ATP2B2: variants seen among roughly 807,000 people sequenced by gnomAD.
ATP2B2 encodes the protein ATPase plasma membrane Ca2+ transporting 2.
In ATP2B2, 15 loss-of-function variants were observed where a neutral mutation model predicts 120.0. The ratio of observed to expected loss-of-function variants is 0.12; its 90% CI spans 0.08 to 0.19. The LOEUF (loss-of-function observed/expected upper bound fraction) is 0.19, where lower values mean the gene tolerates loss of function less well. Ranked by LOEUF, ATP2B2 falls within the 10% of genes least tolerant of loss-of-function variation. ATP2B2 has a pLI of 1.00. For missense variants in ATP2B2, 1,045 were observed against 1,719.8 expected (o/e 0.61, Z 6.94); for synonymous variants, 694 against 700.3 (o/e 0.99, Z 0.14).
At position 10,333,069 on chromosome 3, in the gene ATP2B2, T is replaced by G. The variant is rs117304746; in HGVS notation, c.3421-3944A>C. ...GCGTCTGTCTGCTGAGGCCTTCATCTTGCGGTGGTGCCGTGGGGAGGGGAG... is the reference window on the plus strand; with the variant it reads ...GCGTCTGTCTGCTGAGGCCTTCATCGTGCGGTGGTGCCGTGGGGAGGGGAG... On this transcript the variant is annotated intron_variant, in intron 22 of 22. Transcript: ENST00000360273. 3.3e-3 allele frequency among the ~76,000 whole-genome samples: 506 copies of G among 152,286 alleles called. 15 individuals carry two copies. In the East Asian group the frequency reaches 0.048, roughly 14 times the overall value.
At chr3:10,392,868 T>C (rs975021705) in intron 5 of ATP2B2, among the ~76,000 whole-genome samples, 1 of 152,230 alleles carries the variant, frequency 6.6e-6, no homozygotes, top group Non-Finnish European at 1.5e-5. Flanking sequence ...CAATAGTGTC[T>C]TGACACTGTC....
chr3:10,580,842 A>C (rs2068372465), intron 2 of ATP2B2, among the ~76,000 whole-genome samples: 1 of 152,206 alleles, frequency 6.6e-6, no homozygotes, highest in African/African-American at 2.4e-5. Context: ...TTTTATTTGA[A>C]TACAGTCATA....
intron 14 of ATP2B2, among the ~76,000 whole-genome samples, chr3:10,355,699 C>A (rs2060694924): frequency 6.6e-6 from 1 of 152,196 alleles, no homozygotes; most frequent in Admixed American, 6.5e-5. Context: ...ATGCCAGGAA[C>A]CCAGCTCTGC....
At chr3:10,355,329 CTG>C (rs1283586687) in intron 14 of ATP2B2, among the ~76,000 whole-genome samples, 5 of 152,268 alleles carry the variant, frequency 3.3e-5, no homozygotes, top group Admixed American at 6.5e-5. Context: ...CTTGAGTCTG[CTG>C]TGTCACTTGA....
intron 12 of ATP2B2, among the ~76,000 whole-genome samples, chr3:10,367,339 C>T (rs910973309): frequency 6.6e-6 from 1 of 151,912 alleles, no homozygotes; most frequent in African/African-American, 2.4e-5. Context: ...TGGTGGTGAG[C>T]AGCGACCCTG....
At chr3:10,379,017 C>T (rs1490732405) in intron 9 of ATP2B2, among the ~76,000 whole-genome samples, 1 of 152,176 alleles carries the variant, frequency 6.6e-6, no homozygotes, top group Non-Finnish European at 1.5e-5. Context: ...AGTTCAAAGG[C>T]TAGGGAGATG....
chr3:10,440,646 C>T (rs921825498), intron 2 of ATP2B2, among the ~76,000 whole-genome samples: 10 of 152,240 alleles, frequency 6.6e-5, no homozygotes, highest in Admixed American at 3.3e-4. Flanking sequence ...TCCTTTCAGG[C>T]CTCACTCAGA....
At chr3:10,524,416 C>T (rs551511327) in intron 3 of ATP2B2, among the ~76,000 whole-genome samples, 4 of 152,220 alleles carry the variant, frequency 2.6e-5, no homozygotes, top group African/African-American at 9.6e-5. Context: ...ATGAGCATGC[C>T]GAGGCACAGA....
At chr3:10,599,972 T>A (rs116391196) in intron 2 of ATP2B2, among the ~76,000 whole-genome samples, 1,929 of 152,248 alleles carry the variant, frequency 0.013, 43 homozygotes, top group African/African-American at 0.042. Flanking sequence ...GTGGGAGAGG[T>A]AGCTTGTGCT....
intron 2 of ATP2B2, among the ~76,000 whole-genome samples, chr3:10,421,407 G>T (rs183036899): frequency 1.3e-5 from 2 of 152,288 alleles, no homozygotes; most frequent in East Asian, 3.9e-4. Context: ...CTCTCTTCCT[G>T]CAGCAGAGGA....
Position 10,400,939 on chromosome 3 carries a change from A to G in ATP2B2, c.781+14T>C. Reference sequence around the variant, plus strand: ...TGGCGACGGGAATGGGCCCAACATCAGGCTGAAGCTCACCTGACAGCAGCA... The same window carrying G: ...TGGCGACGGGAATGGGCCCAACATCGGGCTGAAGCTCACCTGACAGCAGCA... On this transcript the variant is annotated intron_variant, in intron 5 of 22. Transcript: ENST00000360273. 3 of 1,613,778 alleles carry G rather than the reference A, an allele frequency of 1.9e-6. No homozygotes were observed. The highest frequency in any genetic ancestry group is 2.5e-6 in the Non-Finnish European group (3 of 1,179,802).
chr3:10,488,463 A>ATTCCTTCCTTCC (rs1257729803), intron 1 of ATP2B2, among the ~76,000 whole-genome samples: 5,457 of 95,430 alleles, frequency 0.057, 361 homozygotes, highest in Non-Finnish European at 0.074. Flanking sequence ...CACCCTACAA[A>ATTCCTTCCTTCC]TTCCTTCCTT....
intron 10 of ATP2B2, among the ~76,000 whole-genome samples, chr3:10,376,935 C>A (rs1233680170): frequency 6.6e-6 from 1 of 152,166 alleles, no homozygotes; most frequent in African/African-American, 2.4e-5. Flanking sequence ...CAGCTGCCCC[C>A]GGCTTCTTCC....
chr3:10,498,668 T>TCC, intron 1 of ATP2B2, among the ~76,000 whole-genome samples: 1 of 152,280 alleles, frequency 6.6e-6, no homozygotes, highest in South Asian at 2.1e-4. Flanking sequence ...AGGCACCACT[T>TCC]TATAGGAAAC....
chr3:10,633,614 C>G (rs2069935397), intron 1 of ATP2B2, among the ~76,000 whole-genome samples: 1 of 152,170 alleles, frequency 6.6e-6, no homozygotes, highest in Admixed American at 6.5e-5. Context: ...GATATTGAAG[C>G]ACTAGGCCCT....
intron 3 of ATP2B2, among the ~76,000 whole-genome samples, chr3:10,410,014 C>T (rs1370847267): frequency 6.6e-6 from 1 of 152,192 alleles, no homozygotes; most frequent in African/African-American, 2.4e-5. Context: ...AGAGAAAGAA[C>T]CAGGCTCTCT....
chr3:10,704,819 AG>A (rs1329994896), intron 1 of ATP2B2, among the ~76,000 whole-genome samples: 1 of 152,260 alleles, frequency 6.6e-6, no homozygotes, highest in East Asian at 1.9e-4. Flanking sequence ...ACTCTGCAAC[AG>A]ATTTATATGA....
chr3:10,443,007 G>C (rs959473559), intron 2 of ATP2B2, among the ~76,000 whole-genome samples: 13 of 152,216 alleles, frequency 8.5e-5, no homozygotes, highest in Non-Finnish European at 1.9e-4. Flanking sequence ...ATGATACCAA[G>C]TTGGCCTCTT....
In ATP2B2 at chr3:10,371,796, G is replaced by C; in HGVS notation, c.1659+13C>G. Reference sequence around the variant, plus strand: ...GTTGCTCCAGGTGGTGGATGTGCCTGGTCCACACTTACCAGAATCTTGGTG... The same window carrying C: ...GTTGCTCCAGGTGGTGGATGTGCCTCGTCCACACTTACCAGAATCTTGGTG... On this transcript the variant is annotated intron_variant, in intron 12 of 22. Coordinates refer to ENST00000360273, the MANE Select transcript of ATP2B2 (RefSeq NM_001001331.4). 2 of 1,614,122 alleles carry C rather than the reference G, an allele frequency of 1.2e-6. No individual in the cohort carries two copies. Among genetic ancestry groups the C allele is most frequent in the South Asian group, 2.2e-5 (2 of 91,042 alleles).
Sources: allele counts gnomAD v4.1 joint callset (sites outside exome capture counted in the v4.1 genomes callset), GRCh38; gene constraint gnomAD v4.1.1; transcripts MANE v1.5; gene names NCBI Gene and HGNC (gene_info 2026-07-23, HGNC 2026-07-21).